Variants in GPM6A observed in about 807,000 individuals in gnomAD.
GPM6A encodes the protein glycoprotein M6A.
Under a neutral mutation model 32.1 loss-of-function variants are expected in GPM6A, and 7 were observed. The ratio of observed to expected loss-of-function variants is 0.22; its 90% CI spans 0.12 to 0.41. GPM6A has a LOEUF of 0.41. GPM6A is among the 10% of genes least tolerant of loss of function. The pLI is 1.00. For missense variants in GPM6A, 235 were observed against 347.2 expected (o/e 0.68, Z 2.57); for synonymous variants, 130 against 123.4 (o/e 1.05, Z -0.35).
At chr4:175,747,457 T>C (rs1326075439) in intron 1 of GPM6A, among the ~76,000 whole-genome samples, 1 of 152,138 alleles carries the variant, frequency 6.6e-6, no homozygotes, top group Non-Finnish European at 1.5e-5. Flanking sequence ...TTCCAAGATA[T>C]TGTGGGTTCC....
intron 1 of GPM6A, among the ~76,000 whole-genome samples, chr4:175,712,797 A>T: frequency 6.6e-6 from 1 of 152,196 alleles, no homozygotes. Context: ...TCTTCTACAC[A>T]CTGTGTATAC....
chr4:175,813,734 C>T (rs1191789148), upstream of GPM6A, among the ~76,000 whole-genome samples: 1 of 152,184 alleles, frequency 6.6e-6, no homozygotes, highest in East Asian at 1.9e-4. Context: ...GCATGCTGCA[C>T]ATCACCCTCT....
chr4:176,002,280 G>A, intron 1 of GPM6A: 1 of 1,598,340 alleles, frequency 6.3e-7, no homozygotes, highest in Non-Finnish European at 8.5e-7. Flanking sequence ...GCCTTTGGGC[G>A]AGGTGTACGC....
At position 175,761,263 on chromosome 4, in the gene GPM6A, T is replaced by C. The variant is rs1477425725; in HGVS notation, c.37+50928A>G. 5.9e-5 allele frequency among the ~76,000 whole-genome samples: 9 copies of C among 152,194 alleles called. No homozygotes were observed. The East Asian group carries it at 1.7e-3, about 29-fold the overall frequency. Reference sequence around the variant, plus strand: ...CCTCACACCACCATGTCTGCCTGTTTTTGTATTTTTAGTAGAGACAGGGTT... The same window carrying C: ...CCTCACACCACCATGTCTGCCTGTTCTTGTATTTTTAGTAGAGACAGGGTT... On this transcript the variant is annotated intron_variant, in intron 1 of 6. Coordinates refer to ENST00000393658, the MANE Select transcript of GPM6A (RefSeq NM_201591.3).
chr4:175,871,617 T>C (rs543098974), intron 1 of GPM6A, among the ~76,000 whole-genome samples: 1 of 152,222 alleles, frequency 6.6e-6, no homozygotes, highest in Non-Finnish European at 1.5e-5. Flanking sequence ...TCTCAAGTAA[T>C]GACACTATCC....
chr4:175,714,324 A>G (rs188536914), intron 1 of GPM6A, among the ~76,000 whole-genome samples: 159 of 152,372 alleles, frequency 1.0e-3, no homozygotes, highest in Non-Finnish European at 1.1e-3. Context: ...TATATCAACA[A>G]GAATTTTTTT....
chr4:175,678,937 G>A (rs1027033545), intron 2 of GPM6A, among the ~76,000 whole-genome samples: 1 of 152,124 alleles, frequency 6.6e-6, no homozygotes, highest in Admixed American at 6.6e-5. Context: ...TCATTTACTT[G>A]ATTGTTTTCT....
chr4:175,918,045 T>A (rs1374517319), intron 1 of GPM6A, among the ~76,000 whole-genome samples: 1 of 152,086 alleles, frequency 6.6e-6, no homozygotes, highest in African/African-American at 2.4e-5. Context: ...ATTACCATAA[T>A]TCTTTTCCTA....
At chr4:175,746,034 G>A (rs898260531) in intron 1 of GPM6A, among the ~76,000 whole-genome samples, 2 of 152,312 alleles carry the variant, frequency 1.3e-5, no homozygotes, top group Non-Finnish European at 1.5e-5. Flanking sequence ...TAGGACCTTA[G>A]AATGAGTGGC....
Position 175,756,229 on chromosome 4 carries a change from A to C in GPM6A, c.38-54462T>G, listed in dbSNP as rs184724078. On this transcript the variant is annotated intron_variant, in intron 1 of 6. Coordinates refer to ENST00000393658, the MANE Select transcript of GPM6A (RefSeq NM_201591.3). ...TAGTAAGGAGCCACTGAAGGATCCT[A>C]AGCATAGGAGGCATATGCTCACACT... is the stretch of plus-strand genomic sequence containing the variant. 2.1e-3 allele frequency among the ~76,000 whole-genome samples: 315 copies of C among 152,198 alleles called. 1 individual carries two copies. The highest frequency in any genetic ancestry group is 7.0e-3 in the African/African-American group (289 of 41,542).
At chr4:175,774,496 C>G (rs978337719) in intron 1 of GPM6A, among the ~76,000 whole-genome samples, 3 of 151,914 alleles carry the variant, frequency 2.0e-5, no homozygotes, top group Admixed American at 1.3e-4. Context: ...ATAAAACAAT[C>G]AAACTCACCT....
intron 1 of GPM6A, among the ~76,000 whole-genome samples, chr4:175,878,102 G>T (rs1737143535): frequency 6.6e-6 from 1 of 152,156 alleles, no homozygotes; most frequent in Non-Finnish European, 1.5e-5. Flanking sequence ...CAAGAGGTGG[G>T]CTCCCACAAC....
intron 1 of GPM6A, among the ~76,000 whole-genome samples, chr4:175,722,978 G>A (rs1256224540): frequency 2.6e-5 from 4 of 152,080 alleles, no homozygotes; most frequent in Non-Finnish European, 4.4e-5. Flanking sequence ...GAGCCTGGGA[G>A]GTGGAGGCTG....
chr4:175,764,948 A>G (rs981519516), intron 1 of GPM6A, among the ~76,000 whole-genome samples: 6 of 151,388 alleles, frequency 4.0e-5, no homozygotes, highest in South Asian at 2.1e-4. Flanking sequence ...ATCTCAGCTC[A>G]CCGCAAACTC....
chr4:175,776,488 AAGTC>A (rs1733400102), intron 1 of GPM6A, among the ~76,000 whole-genome samples: 1 of 152,148 alleles, frequency 6.6e-6, no homozygotes, highest in South Asian at 2.1e-4. Context: ...GCTGCCAAAA[AAGTC>A]AGGTGTGCAA....
intron 1 of GPM6A, among the ~76,000 whole-genome samples, chr4:175,972,708 T>C (rs1484688187): frequency 1.3e-5 from 2 of 152,226 alleles, no homozygotes; most frequent in African/African-American, 4.8e-5. Flanking sequence ...TCTTTGCATA[T>C]GTGAATACCT....
intron 1 of GPM6A, among the ~76,000 whole-genome samples, chr4:175,862,037 C>T (rs1736591190): frequency 6.6e-6 from 1 of 152,132 alleles, no homozygotes; most frequent in Admixed American, 6.5e-5. Flanking sequence ...TAATTCAAGG[C>T]AGAATTCACA....
chr4:175,893,204 T>C (rs765026150), intron 1 of GPM6A, among the ~76,000 whole-genome samples: 1 of 152,204 alleles, frequency 6.6e-6, no homozygotes, highest in African/African-American at 2.4e-5. Flanking sequence ...TGGGCTGCTA[T>C]CCAGCTTCTT....
chr4:175,889,430 C>T (rs1737562848), intron 1 of GPM6A, among the ~76,000 whole-genome samples: 1 of 151,380 alleles, frequency 6.6e-6, no homozygotes, highest in Non-Finnish European at 1.5e-5. Flanking sequence ...GAGGCTACGG[C>T]AGGAGGATGA....
Sources: allele counts gnomAD v4.1 joint callset (sites outside exome capture counted in the v4.1 genomes callset), GRCh38; gene constraint gnomAD v4.1.1; transcripts MANE v1.5; gene names NCBI Gene and HGNC (gene_info 2026-07-23, HGNC 2026-07-21).